Variants in E2F6 observed in about 807,000 individuals in gnomAD.
E2F6 encodes the protein E2F transcription factor 6, also known as transcription factor E2F6.
Under a neutral mutation model 31.5 loss-of-function variants are expected in E2F6, and 19 were observed. That is an observed-to-expected ratio of 0.60 (90% CI 0.42 to 0.89). The LOEUF (loss-of-function observed/expected upper bound fraction) is 0.89, where lower values mean the gene tolerates loss of function less well. Ranked by LOEUF, E2F6 falls within the 40% of genes least tolerant of loss-of-function variation. The pLI, the probability that E2F6 is intolerant of heterozygous loss-of-function variation, is 0.00. For synonymous variants in E2F6, 121 were observed against 127.7 expected (o/e 0.95, Z 0.36); for missense variants, 269 against 341.6 (o/e 0.79, Z 1.67).
At chr2:11,458,289 T>G in intron 1 of E2F6, 1 of 1,551,762 alleles carries the variant, frequency 6.4e-7, no homozygotes, top group East Asian at 2.4e-5. Context: ...ACAGAAGGAT[T>G]CATGGCGAAG....
In E2F6 at chr2:11,465,792, T is replaced by C. The variant is rs1225124893; in HGVS notation, c.88A>G (p.Ile30Val). The C allele has an allele frequency of 3.7e-6, 6 of 1,600,646 alleles. No homozygotes were observed. Among genetic ancestry groups the C allele is most frequent in the Non-Finnish European group, 5.1e-6 (6 of 1,174,560 alleles). Residue 30 changes from isoleucine (I) to valine (V), a missense_variant, in exon 1 of 7, where the codon ATC becomes GTC. Ile to Val is a conservative substitution (Grantham distance 29). Coordinates refer to ENST00000381525, the MANE Select transcript of E2F6 (RefSeq NM_198256.4). ...CTTACCAGCAGGCCCTCCACGTTGA[T>C]GGGGTCTCGGCACCGACGGCGAACC... ...ETVRRRCRDP[I>V]NVEGLLPSKI... is the part of the protein sequence containing the mutation.
At chr2:11,446,603 T>C in intron 6 of E2F6, 80 bp from the exon 7 acceptor site, 1 of 1,208,974 alleles carries the variant, frequency 8.3e-7, no homozygotes, top group Admixed American at 1.9e-5. Context: ...CGTAAAAGAA[T>C]ACACAATCTG....
At chr2:11,455,031 G>A (rs141522078) in intron 2 of E2F6, among the ~76,000 whole-genome samples, 47 of 152,168 alleles carry the variant, frequency 3.1e-4, no homozygotes, top group Middle Eastern at 6.8e-3. Flanking sequence ...TTTTTGTTGC[G>A]AAACTACTGT....
chr2:11,458,469 CT>C lies in E2F6; in HGVS notation c.109-1237del, dbSNP rs1405989873. ...ACTGAAGTGGCCAGTGTGTAAGTGA[CT>C]TGACTTTGAAGCTGGGAGGGCATGC... On this transcript the variant is annotated intron_variant, in intron 1 of 6. Coordinates refer to ENST00000381525, the MANE Select transcript of E2F6 (RefSeq NM_198256.4). The C allele has an allele frequency of 3.8e-6, 4 of 1,045,958 alleles. No homozygotes were observed. In the African/African-American group the frequency reaches 6.4e-5, roughly 17 times the overall value. The allele number at this position is 1,045,958 out of a possible 1,614,324, so 64.8% of individuals were successfully genotyped here. A position where few individuals can be genotyped will look rare whatever the true frequency, so the allele number is the denominator to read the frequency against.
At position 11,445,243 on chromosome 2, in the gene E2F6, G is replaced by A. The variant is rs1332592636; in HGVS notation, c.*1234C>T. ...AACGATACAGGAATCTTGTACGATA[G>A]ACAAACCAAATATTATTATTCTGAT... On this transcript the variant is annotated 3_prime_UTR_variant, in exon 7 of 7. Transcript: ENST00000381525. 6.6e-6 allele frequency: 1 copy of A among 152,308 alleles called. No homozygotes were observed. Among genetic ancestry groups the A allele is most frequent in the East Asian group, 1.9e-4 (1 of 5,196 alleles). The allele number at this position is 152,308 out of a possible 1,614,324, so 9.4% of individuals were successfully genotyped here. A position where few individuals can be genotyped will look rare whatever the true frequency, so the allele number is the denominator to read the frequency against.
chr2:11,460,594 T>C (rs1671714504), intron 1 of E2F6, among the ~76,000 whole-genome samples: 1 of 152,190 alleles, frequency 6.6e-6, no homozygotes, highest in Admixed American at 6.5e-5. Context: ...ATTTCCCTAA[T>C]AAATTCCCTC....
rs1670813304 is a variant in E2F6, at chr2:11,447,769, A to G, written c.657T>C (p.Ser219=). The change falls in exon 6 of 7, where the codon TCT becomes TCC. Residue 219 remains serine (S), a synonymous_variant. Transcript: ENST00000381525. ...TGGTGCTCCTTATGTGCACTGTGAT[A>G]GAGTCCTAGCAAAGGACACAGGAAT... is the stretch of plus-strand genomic sequence containing the variant. ...RLDVPAPRED[S]ITVHIRSTNG... 1.2e-6 allele frequency: 2 copies of G among 1,611,230 alleles called. No individual in the cohort carries two copies. The highest frequency in any genetic ancestry group is 1.7e-6 in the Non-Finnish European group (2 of 1,179,778).
At chr2:11,460,087 C>T (rs1405370785) in intron 1 of E2F6, among the ~76,000 whole-genome samples, 1 of 152,044 alleles carries the variant, frequency 6.6e-6, no homozygotes, top group African/African-American at 2.4e-5. Flanking sequence ...GCTCCAAGTC[C>T]CCTATTTAAA....
chr2:11,457,277 A>G, intron 1 of E2F6, 44 bp from the exon 2 acceptor site: 8 of 1,174,062 alleles, frequency 6.8e-6, no homozygotes, highest in Non-Finnish European at 1.0e-5. Flanking sequence ...TTTTAAAACA[A>G]CAATGCAAAC....
Position 11,446,067 on chromosome 2 carries a change from T to C in E2F6, c.*410A>G, listed in dbSNP as rs1670693075. ...ACATTTAAATTCGTGTGTACATCTATGCAATGTACAACAGTAACTGCAAAC... is the reference window on the plus strand; with the variant it reads ...ACATTTAAATTCGTGTGTACATCTACGCAATGTACAACAGTAACTGCAAAC... On this transcript the variant is annotated 3_prime_UTR_variant, in exon 7 of 7. Coordinates refer to ENST00000381525, the MANE Select transcript of E2F6 (RefSeq NM_198256.4). The C allele has an allele frequency of 5.7e-6, 1 of 175,152 alleles. No homozygotes were observed. Among genetic ancestry groups the C allele is most frequent in the Admixed American group, 6.1e-5 (1 of 16,368 alleles). The allele number at this position is 175,152 out of a possible 1,614,324, so 10.8% of individuals were successfully genotyped here.
At chr2:11,462,741 C>G (rs903524480) in intron 1 of E2F6, among the ~76,000 whole-genome samples, 20 of 152,186 alleles carry the variant, frequency 1.3e-4, no homozygotes, top group South Asian at 6.2e-4. Flanking sequence ...CATGGGAACT[C>G]TGGACAAAGG....
At chr2:11,447,902 G>T in intron 5 of E2F6, 128 bp from the exon 6 acceptor site, 3 of 1,065,338 alleles carry the variant, frequency 2.8e-6, no homozygotes, top group Non-Finnish European at 4.0e-6. Flanking sequence ...TACAGCACTG[G>T]CCAATTCCCA....
rs1177823175 is a variant in E2F6 at position 11,446,417 on chromosome 2, C to T, written c.*60G>A. ...ATTGCTCTGAGAATCAAATTTGATG[C>T]GTAATTCTCCACGAAGATATTCCCA... On this transcript the variant is annotated 3_prime_UTR_variant, in exon 7 of 7. Coordinates refer to ENST00000381525, the MANE Select transcript of E2F6 (RefSeq NM_198256.4). 1.3e-4 allele frequency: 167 copies of T among 1,265,510 alleles called. No individual in the cohort carries two copies. The highest frequency in any genetic ancestry group is 1.2e-3 in the South Asian group (95 of 81,812). 78.4% of individuals were successfully genotyped at this position (1,265,510 alleles called of 1,614,324 possible).
Position 11,453,729 on chromosome 2 carries a change from A to C in E2F6, c.233T>G (p.Leu78Arg). The C allele has an allele frequency of 6.2e-7, 1 of 1,614,246 alleles. No individual in the cohort carries two copies. The highest frequency in any genetic ancestry group is 2.2e-5 in the East Asian group (1 of 44,886). ...AATACCCCCGGGAGCAGATCTGACA[A>C]GATCCATAAATTTTCGAGTTAAATA... ...LVYLTRKFMD[L>R]VRSAPGGILD... The change falls in exon 3 of 7, where the codon CTT (leucine) becomes CGT (arginine). Residue 78 changes from leucine (L) to arginine (R), a missense_variant. Leu to Arg is a moderately radical substitution (Grantham distance 102). Transcript: ENST00000381525.
rs73917205 is a variant in E2F6, at chr2:11,459,242, T to G, written c.109-2009A>C. ...TAGCAGGCCCAGGACTTACACACTC[T>G]ACTTACTGGCTCCCAAAGAGGCTGC... On this transcript the variant is annotated intron_variant, in intron 1 of 6. Coordinates refer to ENST00000381525, the MANE Select transcript of E2F6 (RefSeq NM_198256.4). 1.5e-3 allele frequency among the ~76,000 whole-genome samples: 231 copies of G among 152,254 alleles called. 1 individual carries two copies. Among genetic ancestry groups the G allele is most frequent in the African/African-American group, 5.3e-3 (220 of 41,548 alleles).
At chr2:11,460,723 TATACAGTATAGCCTATTGCTGCTAGG>T (rs1671723291) in intron 1 of E2F6, among the ~76,000 whole-genome samples, 1 of 152,212 alleles carries the variant, frequency 6.6e-6, no homozygotes, top group South Asian at 2.1e-4. Flanking sequence ...ACACCTAGGC[TATACAGTATAGCCTATTGCTGCTAGG>T]CCACAAACCT....
At chr2:11,449,949 C>T in intron 5 of E2F6, 63 bp downstream of exon 5, 2 of 1,314,364 alleles carry the variant, frequency 1.5e-6, no homozygotes, top group South Asian at 1.2e-5. Flanking sequence ...TGCAATAAAT[C>T]ACAGCCTAAG....
chr2:11,455,369 ACCT>A, intron 2 of E2F6: 1 of 1,227,978 alleles, frequency 8.1e-7, no homozygotes. Flanking sequence ...CTTACTCAGA[ACCT>A]CCACAATGTC....
intron 3 of E2F6, among the ~76,000 whole-genome samples, chr2:11,452,022 C>A (rs57030985): frequency 0.019 from 2,935 of 152,002 alleles, 98 homozygotes; most frequent in African/African-American, 0.067. Flanking sequence ...CAGTCTTTTT[C>A]AAAAAAATAC....
Sources: gnomAD v4.1 joint callset for allele counts (sites outside exome capture counted in the v4.1 genomes callset) on GRCh38, gnomAD v4.1.1 for gene constraint, MANE v1.5 for transcripts, NCBI Gene and HGNC (gene_info 2026-07-23, HGNC 2026-07-21) for gene names.